MDFIC: variants seen among roughly 807,000 people sequenced by gnomAD.
MDFIC encodes myoD family inhibitor domain-containing protein.
Under a neutral mutation model 23.2 loss-of-function variants are expected in MDFIC, and 17 were observed. The ratio of observed to expected loss-of-function variants is 0.73; its 90% CI spans 0.50 to 1.10. The LOEUF is 1.10. Ranked by LOEUF, MDFIC falls within the 50% of genes least tolerant of loss-of-function variation. The pLI is 0.00. For missense variants in MDFIC, 356 were observed against 316.6 expected (o/e 1.12, Z -0.95); for synonymous variants, 120 against 115.2 (o/e 1.04, Z -0.27).
At chr7:114,959,292 C>T (rs1046755016) in intron 3 of MDFIC, among the ~76,000 whole-genome samples, 2 of 151,984 alleles carry the variant, frequency 1.3e-5, no homozygotes, top group African/African-American at 4.8e-5. Context: ...CACTAAATTA[C>T]AGTAAATTGA....
intron 2 of MDFIC, among the ~76,000 whole-genome samples, chr7:114,939,696 G>A (rs1792500489): frequency 6.6e-6 from 1 of 152,092 alleles, no homozygotes; most frequent in African/African-American, 2.4e-5. Flanking sequence ...TCGAATATTG[G>A]ACATGATTCA....
intron 4 of MDFIC, among the ~76,000 whole-genome samples, chr7:114,989,768 C>T (rs542588692): frequency 6.6e-6 from 1 of 152,248 alleles, no homozygotes; most frequent in Non-Finnish European, 1.5e-5. Context: ...TACAAGGACA[C>T]GTAACCTTTG....
In MDFIC at chr7:114,942,469, C is replaced by T. The variant is rs2594461; in HGVS notation, c.217+72C>T. 3,895 of 1,179,818 alleles carry T rather than the reference C, an allele frequency of 3.3e-3. 83 individuals carry two copies. The African/African-American group carries it at 0.05, about 15-fold the overall frequency. 73.1% of individuals were successfully genotyped at this position (1,179,818 alleles called of 1,614,324 possible). A position where few individuals can be genotyped will look rare whatever the true frequency, so the allele number is the denominator to read the frequency against. ...TGGTAATATATTCTTCGTTAATTGC[C>T]CCAGATAATTCTGCTACAAATCCGT... On this transcript the variant is annotated intron_variant, in intron 3 of 4. Transcript: ENST00000393486.
chr7:114,990,648 T>C (rs185685563), intron 4 of MDFIC, among the ~76,000 whole-genome samples: 5 of 152,350 alleles, frequency 3.3e-5, no homozygotes, highest in African/African-American at 2.4e-5. Flanking sequence ...GGTTTCCAGA[T>C]TCATCCATGT....
intron 3 of MDFIC, among the ~76,000 whole-genome samples, chr7:114,950,587 G>A (rs2115807944): frequency 6.6e-6 from 1 of 152,218 alleles, no homozygotes; most frequent in East Asian, 1.9e-4. Flanking sequence ...GGGAAAATAT[G>A]GGAAGAGAAG....
intron 4 of MDFIC, among the ~76,000 whole-genome samples, chr7:114,980,537 A>G (rs1289578293): frequency 1.3e-5 from 2 of 151,952 alleles, no homozygotes; most frequent in Non-Finnish European, 2.9e-5. Context: ...ATTAAAACAG[A>G]CTCCCTTTAC....
chr7:115,014,980 G>A (rs1431107593), intron 4 of MDFIC, among the ~76,000 whole-genome samples: 1 of 152,178 alleles, frequency 6.6e-6, no homozygotes, highest in African/African-American at 2.4e-5. Flanking sequence ...ACCAAAGGAA[G>A]TGGGAAAGCA....
intron 2 of MDFIC, 41 bp downstream of exon 2, chr7:114,923,168 T>C (rs942519991): frequency 3.4e-5 from 52 of 1,528,846 alleles, no homozygotes; most frequent in Middle Eastern, 4.6e-4. Context: ...TTTGTCATTG[T>C]TGCATTTTTC....
chr7:114,983,501 C>T (rs1793453101), intron 4 of MDFIC, among the ~76,000 whole-genome samples: 1 of 149,026 alleles, frequency 6.7e-6, no homozygotes, highest in African/African-American at 2.5e-5. Context: ...GATGTTTTAA[C>T]ATGTCTTTAA....
chr7:114,942,492 C>A, intron 3 of MDFIC, 95 bp downstream of exon 3: 1 of 958,380 alleles, frequency 1.0e-6, no homozygotes, highest in Non-Finnish European at 1.5e-6. Flanking sequence ...GCTACAAATC[C>A]GTAAATCAAC....
intron 3 of MDFIC, among the ~76,000 whole-genome samples, chr7:114,966,368 G>A (rs1242910812): frequency 2.1e-5 from 3 of 140,840 alleles, no homozygotes; most frequent in Middle Eastern, 3.9e-3. Context: ...GAAAGTCTGT[G>A]TTCATTGTGC....
At chr7:114,979,141 T>A (rs1466462537) in intron 3 of MDFIC, among the ~76,000 whole-genome samples, 1 of 152,194 alleles carries the variant, frequency 6.6e-6, no homozygotes, top group Non-Finnish European at 1.5e-5. Context: ...AACACTGTTG[T>A]GTCTATGCAC....
intron 4 of MDFIC, among the ~76,000 whole-genome samples, chr7:114,982,778 G>A (rs1259680081): frequency 2.0e-5 from 3 of 152,176 alleles, no homozygotes; most frequent in African/African-American, 4.8e-5. Context: ...CTGGAGGCTG[G>A]GAAGAGCAAG....
At chr7:115,008,684 C>T (rs943972157) in intron 4 of MDFIC, among the ~76,000 whole-genome samples, 1 of 152,230 alleles carries the variant, frequency 6.6e-6, no homozygotes, top group Admixed American at 6.5e-5. Flanking sequence ...CCCGCCCCTA[C>T]ACACACTTGA....
At chr7:115,003,426 C>T (rs894189644) in intron 4 of MDFIC, among the ~76,000 whole-genome samples, 1 of 152,200 alleles carries the variant, frequency 6.6e-6, no homozygotes, top group African/African-American at 2.4e-5. Context: ...ACTGTTTTTC[C>T]TCCTGGATTT....
At chr7:114,934,614 C>T (rs962571042) in intron 2 of MDFIC, among the ~76,000 whole-genome samples, 1 of 152,018 alleles carries the variant, frequency 6.6e-6, no homozygotes, top group Admixed American at 6.6e-5. Flanking sequence ...CATAAGAAGC[C>T]CTTCAAAGGA....
At chr7:115,014,390 G>A in intron 4 of MDFIC, 4 of 1,288,796 alleles carry the variant, frequency 3.1e-6, no homozygotes, top group Non-Finnish European at 4.0e-6. Flanking sequence ...CTATAGAGAA[G>A]CGCATGATTT....
intron 2 of MDFIC, among the ~76,000 whole-genome samples, chr7:114,923,820 A>G (rs946365042): frequency 6.6e-6 from 1 of 152,200 alleles, no homozygotes; most frequent in African/African-American, 2.4e-5. Flanking sequence ...TTGGTGACAG[A>G]GAGGAAGGTT....
chr7:114,975,419 A>G (rs1361031100), intron 3 of MDFIC, among the ~76,000 whole-genome samples: 2 of 152,100 alleles, frequency 1.3e-5, no homozygotes, highest in Admixed American at 1.3e-4. Flanking sequence ...TCTATGGTCT[A>G]CTTTTGAGAG....
Sources: allele counts gnomAD v4.1 joint callset (sites outside exome capture counted in the v4.1 genomes callset), GRCh38; gene constraint gnomAD v4.1.1; transcripts MANE v1.5; gene names NCBI Gene and HGNC (gene_info 2026-07-23, HGNC 2026-07-21).